TMEM71: variants seen among roughly 807,000 people sequenced by gnomAD.
The protein encoded by TMEM71 is transmembrane protein 71.
TMEM71 carries 44 observed loss-of-function variants against 38.0 expected under a neutral mutation model. The ratio of observed to expected loss-of-function variants is 1.16; its 90% CI spans 0.91 to 1.49. TMEM71 has a LOEUF of 1.49. TMEM71 is among the 40% of genes most tolerant of loss of function. The pLI, the probability that TMEM71 is intolerant of heterozygous loss-of-function variation, is 0.00. For missense variants in TMEM71, 367 were observed against 348.6 expected, an observed-to-expected ratio of 1.05 and a Z score of -0.42; for synonymous variants, 133 against 122.5, an observed-to-expected ratio of 1.09 and a Z score of -0.56.
chr8:132,745,600 T>C (rs1828293544), intron 5 of TMEM71, among the ~76,000 whole-genome samples: 1 of 152,174 alleles, frequency 6.6e-6, no homozygotes, highest in Non-Finnish European at 1.5e-5. Context: ...TTTCAACCAC[T>C]GTGGAAAGCA....
the TMEM71 span, among the ~76,000 whole-genome samples, chr8:132,770,129 A>G: frequency 2.0e-5 from 3 of 152,180 alleles, no homozygotes; most frequent in African/African-American, 7.2e-5. Context: ...AAACACCTAC[A>G]GATTAGGAAT....
intron 5 of TMEM71, among the ~76,000 whole-genome samples, chr8:132,739,685 T>C (rs1402265627): frequency 6.6e-6 from 1 of 152,168 alleles, no homozygotes; most frequent in African/African-American, 2.4e-5. Context: ...ATCATAATTA[T>C]AATAAATATG....
At chr8:132,719,915 T>C (rs1006835441) in intron 7 of TMEM71, among the ~76,000 whole-genome samples, 21 of 152,196 alleles carry the variant, frequency 1.4e-4, no homozygotes, top group African/African-American at 2.4e-5. Flanking sequence ...TCACCACATA[T>C]GTTTAGTCAT....
intron 5 of TMEM71, among the ~76,000 whole-genome samples, chr8:132,746,418 C>CATATATATACATAT (rs1828362814): frequency 5.3e-5 from 2 of 37,550 alleles, no homozygotes; most frequent in African/African-American, 1.7e-4. Flanking sequence ...TATACACACA[C>CATATATATACATAT]ATATATATAC....
the TMEM71 span, among the ~76,000 whole-genome samples, chr8:132,767,137 G>A: frequency 6.6e-6 from 1 of 152,160 alleles, no homozygotes; most frequent in East Asian, 1.9e-4. Context: ...CTCCTCAGGG[G>A]TATTAACTCA....
the TMEM71 span, among the ~76,000 whole-genome samples, chr8:132,767,998 G>A: frequency 1.3e-5 from 2 of 152,292 alleles, no homozygotes; most frequent in East Asian, 1.9e-4. Context: ...TATGGGGGTA[G>A]GGATGGGGAT....
intron 5 of TMEM71, among the ~76,000 whole-genome samples, chr8:132,731,902 T>C (rs900606830): frequency 1.3e-5 from 2 of 152,062 alleles, no homozygotes; most frequent in African/African-American, 4.8e-5. Context: ...CGAAACCAGC[T>C]GGGAGGAAAG....
chr8:132,751,493 G>T (rs1452536100), intron 4 of TMEM71, among the ~76,000 whole-genome samples: 1 of 152,156 alleles, frequency 6.6e-6, no homozygotes, highest in East Asian at 1.9e-4. Flanking sequence ...TTATTTCATT[G>T]CTTTCATTTG....
upstream of TMEM71, among the ~76,000 whole-genome samples, chr8:132,764,231 A>G (rs1001137001): frequency 6.6e-6 from 1 of 152,218 alleles, no homozygotes; most frequent in South Asian, 2.1e-4. Context: ...TGCATAAGCC[A>G]TATAATAATA....
intron 4 of TMEM71, among the ~76,000 whole-genome samples, chr8:132,747,607 C>T (rs751639329): frequency 6.6e-6 from 1 of 152,148 alleles, no homozygotes; most frequent in Non-Finnish European, 1.5e-5. Context: ...TGCTTTTGAT[C>T]GCTATGCTAT....
At chr8:132,768,343 A>G in the TMEM71 span, among the ~76,000 whole-genome samples, 6 of 151,592 alleles carry the variant, frequency 4.0e-5, no homozygotes, top group African/African-American at 1.5e-4. Flanking sequence ...CCTCTCTTTT[A>G]CTTTAAAAAA....
chr8:132,719,751 G>A (rs1228527717), intron 7 of TMEM71, among the ~76,000 whole-genome samples: 1 of 152,190 alleles, frequency 6.6e-6, no homozygotes, highest in African/African-American at 2.4e-5. Context: ...GGGTTCTCAT[G>A]TGGTCTCCAG....
intron 3 of TMEM71, among the ~76,000 whole-genome samples, chr8:132,756,636 G>A (rs1291251493): frequency 6.6e-6 from 1 of 151,208 alleles, no homozygotes; most frequent in Non-Finnish European, 1.5e-5. Context: ...GCCCAAGCTG[G>A]AGTGCAGTGG....
chr8:132,720,771 C>T (rs1826796914), intron 7 of TMEM71, among the ~76,000 whole-genome samples: 1 of 152,156 alleles, frequency 6.6e-6, no homozygotes, highest in Non-Finnish European at 1.5e-5. Context: ...GCAGGCAGCC[C>T]TTGCTGGCCA....
chr8:132,775,438 C>T, the TMEM71 span: 1 of 385,772 alleles, frequency 2.6e-6, no homozygotes, highest in Non-Finnish European at 4.5e-6. Flanking sequence ...GGCAGCGGAC[C>T]CTGAGCGAGC....
chr8:132,743,815 G>T (rs1828186059), intron 5 of TMEM71, among the ~76,000 whole-genome samples: 1 of 152,072 alleles, frequency 6.6e-6, no homozygotes, highest in African/African-American at 2.4e-5. Context: ...TTCAAACCAT[G>T]CATGCTATCT....
At chr8:132,761,682 G>C (rs1829299172), upstream of TMEM71, among the ~76,000 whole-genome samples, 1 of 152,208 alleles carries the variant, frequency 6.6e-6, no homozygotes, top group Non-Finnish European at 1.5e-5. Flanking sequence ...GTAGACTGAG[G>C]CTGCTGACAT....
chr8:132,775,365 T>A, the TMEM71 span: 1 of 360,976 alleles, frequency 2.8e-6, no homozygotes, highest in Non-Finnish European at 4.9e-6. Flanking sequence ...GCGGCTGACG[T>A]CGCCGGGGCC....
intron 5 of TMEM71, among the ~76,000 whole-genome samples, chr8:132,728,950 AT>A (rs1827302395): frequency 6.6e-6 from 1 of 152,166 alleles, no homozygotes; most frequent in African/African-American, 2.4e-5. Flanking sequence ...ATCTGTTTAA[AT>A]TTTTTTATTC....
Sources: gnomAD v4.1 joint callset for allele counts (sites outside exome capture counted in the v4.1 genomes callset) on GRCh38, gnomAD v4.1.1 for gene constraint, MANE v1.5 for transcripts, NCBI Gene and HGNC (gene_info 2026-07-23, HGNC 2026-07-21) for gene names.